SYN2: variants seen among roughly 807,000 people sequenced by gnomAD.
The protein encoded by SYN2 is synapsin II.
SYN2 carries 19 observed loss-of-function variants against 50.9 expected under a neutral mutation model. The ratio of observed to expected loss-of-function variants is 0.37; its 90% confidence interval spans 0.26 to 0.55. The LOEUF (loss-of-function observed/expected upper bound fraction) is 0.55. Ranked by LOEUF, SYN2 falls within the 20% of genes least tolerant of loss-of-function variation. The pLI, the probability that SYN2 is intolerant of heterozygous loss-of-function variation, is 0.81. For missense variants in SYN2, 587 were observed against 576.4 expected (o/e 1.02, Z -0.19); for synonymous variants, 255 against 224.9 (o/e 1.13, Z -1.20).
chr3:12,137,740 A>T (rs1696926876), intron 1 of SYN2, among the ~76,000 whole-genome samples: 1 of 152,204 alleles, frequency 6.6e-6, no homozygotes, highest in Non-Finnish European at 1.5e-5. Context: ...TGCCATATGT[A>T]TGTGTTTGAA....
intron 1 of SYN2, among the ~76,000 whole-genome samples, chr3:12,103,896 C>T (rs978080088): frequency 6.6e-6 from 1 of 151,926 alleles, no homozygotes; most frequent in Non-Finnish European, 1.5e-5. Flanking sequence ...GTGTGAGTAG[C>T]CAAAATTTGC....
chr3:12,103,482 T>C (rs972961), intron 1 of SYN2, among the ~76,000 whole-genome samples: 3,459 of 152,324 alleles, frequency 0.023, 50 homozygotes, highest in Middle Eastern at 0.095. Flanking sequence ...CAGTAAAGTA[T>C]TCCAAAGCCT....
intron 4 of SYN2, among the ~76,000 whole-genome samples, chr3:12,149,845 C>G (rs943316595): frequency 6.6e-6 from 1 of 152,114 alleles, no homozygotes; most frequent in Non-Finnish European, 1.5e-5. Context: ...ACTTAAACTA[C>G]AGTTTGATAG....
chr3:12,095,020 A>C (rs1695900234), intron 1 of SYN2, among the ~76,000 whole-genome samples: 1 of 152,204 alleles, frequency 6.6e-6, no homozygotes, highest in Non-Finnish European at 1.5e-5. Flanking sequence ...CTTAGATAGA[A>C]GAGAGAGAAA....
At chr3:12,105,929 C>G (rs571175804) in intron 1 of SYN2, among the ~76,000 whole-genome samples, 1 of 152,260 alleles carries the variant, frequency 6.6e-6, no homozygotes, top group Admixed American at 6.5e-5. Flanking sequence ...TTTTCTATTG[C>G]TACATAACAA....
intron 5 of SYN2, among the ~76,000 whole-genome samples, chr3:12,155,848 A>C (rs1697440949): frequency 6.6e-6 from 1 of 152,104 alleles, no homozygotes; most frequent in Non-Finnish European, 1.5e-5. Context: ...GCGATAATAG[A>C]GTTTGAAAGG....
chr3:12,070,443 C>T, intron 1 of SYN2: 1 of 559,536 alleles, frequency 1.8e-6, no homozygotes, highest in South Asian at 1.5e-5. Context: ...GGACTCTGAC[C>T]CCATTGAGCG....
At chr3:12,161,754 G>A (rs1697654596) in intron 6 of SYN2, 146 bp downstream of exon 6, 3 of 1,074,054 alleles carry the variant, frequency 2.8e-6, no homozygotes, top group East Asian at 5.2e-5. Flanking sequence ...AGCCATGAGT[G>A]TCACCCAACC....
Position 12,089,109 on chromosome 3 carries a change from A to AC in SYN2, c.378-51541dup, listed in dbSNP as rs1277458897. Among the ~76,000 whole-genome samples, 5 of 152,348 alleles carry AC rather than the reference A, an allele frequency of 3.3e-5. No individual in the cohort carries two copies. In the East Asian group the frequency reaches 9.6e-4, roughly 29 times the overall value. On this transcript the variant is annotated intron_variant, in intron 1 of 12. Transcript: ENST00000621198. ...TTCTGCAACATATACACATATCAAGACATCACATTGTATTCCATAAATATA... is the reference window on the plus strand; with the variant it reads ...TTCTGCAACATATACACATATCAAGACCATCACATTGTATTCCATAAATATA...
At chr3:12,157,016 C>A in intron 5 of SYN2, 1 of 1,014,178 alleles carries the variant, frequency 9.9e-7, no homozygotes, top group South Asian at 1.6e-5. Context: ...TCTCACTTCT[C>A]AGCCTAAAAA....
At chr3:12,140,815 G>A in intron 2 of SYN2, 107 bp downstream of exon 2, 1 of 711,460 alleles carries the variant, frequency 1.4e-6, no homozygotes, top group South Asian at 1.5e-5. Context: ...GTCCATCATT[G>A]GGTTCTGGAC....
At chr3:12,160,428 A>G (rs1022341723) in intron 5 of SYN2, among the ~76,000 whole-genome samples, 3 of 152,196 alleles carry the variant, frequency 2.0e-5, no homozygotes, top group African/African-American at 7.2e-5. Context: ...TAGTTCCCAT[A>G]GGAGTCTGAC....
intron 1 of SYN2, among the ~76,000 whole-genome samples, chr3:12,138,819 T>A (rs775174962): frequency 2.0e-5 from 3 of 152,192 alleles, no homozygotes; most frequent in Non-Finnish European, 4.4e-5. Flanking sequence ...AAGGTAGACA[T>A]ACCTCACCAA....
At chr3:12,042,979 C>T (rs904500766) in intron 1 of SYN2, among the ~76,000 whole-genome samples, 36 of 151,922 alleles carry the variant, frequency 2.4e-4, no homozygotes, top group Admixed American at 5.2e-4. Context: ...CTTCTAAAAC[C>T]GTGAGAATAA....
chr3:12,005,435 T>C (rs1006229420), intron 1 of SYN2, among the ~76,000 whole-genome samples: 2 of 152,044 alleles, frequency 1.3e-5, no homozygotes, highest in South Asian at 2.1e-4. Context: ...AAGGCTGATA[T>C]CAAGTATTGA....
intron 4 of SYN2, among the ~76,000 whole-genome samples, chr3:12,148,359 A>G (rs886340854): frequency 2.0e-5 from 3 of 152,240 alleles, no homozygotes; most frequent in African/African-American, 4.8e-5. Flanking sequence ...CAGCTGCCAC[A>G]TGAATGACGT....
At position 12,169,881 on chromosome 3, in the gene SYN2, G is replaced by C; in HGVS notation, c.1283G>C (p.Arg428Thr). 6.2e-7 allele frequency: 1 copy of C among 1,611,638 alleles called. No individual in the cohort carries two copies. The highest frequency in any genetic ancestry group is 8.5e-7 in the Non-Finnish European group (1 of 1,178,904). ...AGGACTCCTGCCCTGTCTCCTCAGAGACCCCTAACAACCCAGCAGCCACAG... is the reference window on the plus strand; with the variant it reads ...AGGACTCCTGCCCTGTCTCCTCAGACACCCCTAACAACCCAGCAGCCACAG... The part of the protein sequence containing the change: ...LSRTPALSPQ[R>T]PLTTQQPQSG... Residue 428 changes from arginine (R) to threonine (T), a missense_variant, in exon 10 of 13, where the codon AGA becomes ACA. Transcript: ENST00000621198.
At position 12,191,403 on chromosome 3, in the gene SYN2, C is replaced by T; in HGVS notation, c.*778C>T. 1 of 162,636 alleles carries T rather than the reference C, an allele frequency of 6.1e-6. No individual in the cohort carries two copies. Among genetic ancestry groups the T allele is most frequent in the African/African-American group, 2.4e-5 (1 of 41,590 alleles). 10.1% of individuals were successfully genotyped at this position (162,636 alleles called of 1,614,324 possible). On this transcript the variant is annotated 3_prime_UTR_variant, in exon 13 of 13. Coordinates refer to ENST00000621198, the MANE Select transcript of SYN2 (RefSeq NM_133625.6). ...GGTGTAATAAAAGCAGCAGCATTCACCAACATTTGATTCAGCCATGAGGTC... is the reference window on the plus strand; with the variant it reads ...GGTGTAATAAAAGCAGCAGCATTCATCAACATTTGATTCAGCCATGAGGTC...
chr3:12,114,864 A>G (rs536737747), intron 1 of SYN2, among the ~76,000 whole-genome samples: 52 of 152,152 alleles, frequency 3.4e-4, no homozygotes, highest in Non-Finnish European at 7.1e-4. Context: ...GTAGCAGTGC[A>G]CTCACCAGGC....
Sources: allele counts gnomAD v4.1 joint callset (sites outside exome capture counted in the v4.1 genomes callset), GRCh38; gene constraint gnomAD v4.1.1; transcripts MANE v1.5; gene names NCBI Gene and HGNC (gene_info 2026-07-23, HGNC 2026-07-21).